The following ABCG1 variants were observed in gnomAD, a reference collection of about 807,000 sequenced individuals.
ABCG1 encodes ATP-binding cassette sub-family G member 1.
In ABCG1, 29 loss-of-function variants were observed where a neutral mutation model predicts 69.2. The observed-to-expected ratio is 0.42, with a 90% confidence interval of 0.31 to 0.57. ABCG1 has a LOEUF of 0.57. Among genes scored for constraint, ABCG1 ranks in the 20% least tolerant of loss-of-function variants. ABCG1 has a pLI of 0.15. For synonymous variants in ABCG1, 370 were observed against 374.8 expected (o/e 0.99, Z 0.15); for missense variants, 718 against 898.1 (o/e 0.80, Z 2.56).
chr21:42,259,962 C>T, intron 2 of ABCG1: 1 of 1,495,174 alleles, frequency 6.7e-7, no homozygotes, highest in Non-Finnish European at 8.9e-7. Context: ...TTGGCTTGCT[C>T]TTCCCCTTCC....
Position 42,273,453 on chromosome 21 carries a change from C to A in ABCG1, c.537+18C>A, listed in dbSNP as rs765510756. 113 of 1,607,342 alleles carry A rather than the reference C, an allele frequency of 7.0e-5. 1 individual carries two copies. The South Asian group carries it at 1.1e-3, about 16-fold the overall frequency. On this transcript the variant is annotated intron_variant, in intron 4 of 14. Transcript: ENST00000398449. This position sits in a 1 kb window ranked among gnomAD's most constrained non-coding sequence, Gnocchi z 5.3. The stretch of plus-strand genomic sequence containing the variant: ...CCATGATGGTGAGCTCCGCCCTGCC[C>A]CGCCCCACTCCGCCCCTGCCGCCTG...
At chr21:42,280,231 C>T (rs374366479) in intron 5 of ABCG1, among the ~76,000 whole-genome samples, 21 of 152,372 alleles carry the variant, frequency 1.4e-4, no homozygotes, top group East Asian at 1.9e-4. Flanking sequence ...TGTGCCTTCA[C>T]TCACTTCCCT....
rs117919261 is a variant in ABCG1, at chr21:42,295,046, C to T, written c.1772+386C>T. The T allele has an allele frequency of 1.9e-3, 391 of 203,200 alleles. 8 individuals carry two copies. In the East Asian group the frequency reaches 0.039, roughly 20 times the overall value. The allele number at this position is 203,200 out of a possible 1,614,324, so 12.6% of individuals were successfully genotyped here. ...TATAAGAAATCTGGTGGGAGTCAGG[C>T]GTGGTGGCTCATGTCTGTAATCCCA... On this transcript the variant is annotated intron_variant, in intron 14 of 14. Coordinates refer to ENST00000398449, the MANE Select transcript of ABCG1 (RefSeq NM_016818.3).
In ABCG1 at chr21:42,273,549, G is replaced by C. The variant is rs563371057; in HGVS notation, c.537+114G>C. 7.7e-7 allele frequency: 1 copy of C among 1,306,558 alleles called. No homozygotes were observed. The highest frequency in any genetic ancestry group is 1.5e-5 in the African/African-American group (1 of 65,876). The allele number at this position is 1,306,558 out of a possible 1,614,324, so 80.9% of individuals were successfully genotyped here. On this transcript the variant is annotated intron_variant, in intron 4 of 14. Coordinates refer to ENST00000398449, the MANE Select transcript of ABCG1 (RefSeq NM_016818.3). The surrounding 1 kb of genome is among the most constrained non-coding windows in gnomAD (Gnocchi z 5.3). Reference sequence around the variant, plus strand: ...GCGAGGGACCCAAGGGCTCTGCCACGCGGCCTGCACAGGGCCAGCAACCTC... The same window carrying C: ...GCGAGGGACCCAAGGGCTCTGCCACCCGGCCTGCACAGGGCCAGCAACCTC...
chr21:42,252,380 G>A (rs1233500415), intron 2 of ABCG1, among the ~76,000 whole-genome samples: 2 of 152,130 alleles, frequency 1.3e-5, no homozygotes, highest in African/African-American at 2.4e-5. Flanking sequence ...AGCGATAATC[G>A]CTGTCATTAA....
At position 42,288,347 on chromosome 21, in the gene ABCG1, A is replaced by T; in HGVS notation, c.1224+35A>T. On this transcript the variant is annotated intron_variant, in intron 10 of 14. Transcript: ENST00000398449. This position sits in a 1 kb window ranked among gnomAD's most constrained non-coding sequence, Gnocchi z 4.8. Reference sequence around the variant, plus strand: ...CCCGCATCTTCTCCTGTAGCTGGGGAACCCGTGGGTCATTTTCTCAGACTC... The same window carrying T: ...CCCGCATCTTCTCCTGTAGCTGGGGTACCCGTGGGTCATTTTCTCAGACTC... The T allele has an allele frequency of 1.3e-6, 2 of 1,507,268 alleles. No individual in the cohort carries two copies. Among genetic ancestry groups the T allele is most frequent in the Non-Finnish European group, 1.8e-6 (2 of 1,084,294 alleles). 93.4% of individuals were successfully genotyped at this position (1,507,268 alleles called of 1,614,324 possible).
At position 42,219,639 on chromosome 21, in the gene ABCG1, C is replaced by T. The variant is rs2067688583; in HGVS notation, c.42+335C>T. ...GCGGGGGGCGTGGGGAGCTGGGGAC[C>T]CGGAGCGCACTGGGGACTGGGGAGG... On this transcript the variant is annotated intron_variant, in intron 1 of 14. Transcript: ENST00000398449. The surrounding 1 kb of genome is among the most constrained non-coding windows in gnomAD (Gnocchi z 5.3). Among the ~76,000 whole-genome samples, 1 of 152,084 alleles carries T rather than the reference C, an allele frequency of 6.6e-6. No homozygotes were observed. The highest frequency in any genetic ancestry group is 6.5e-5 in the Admixed American group (1 of 15,282).
Position 42,288,356 on chromosome 21 carries a change from G to T in ABCG1, c.1224+44G>T. On this transcript the variant is annotated intron_variant, in intron 10 of 14. Transcript: ENST00000398449. This position sits in a 1 kb window ranked among gnomAD's most constrained non-coding sequence, Gnocchi z 4.8. Reference sequence around the variant, plus strand: ...TCTCCTGTAGCTGGGGAACCCGTGGGTCATTTTCTCAGACTCGTCCTGACG... The same window carrying T: ...TCTCCTGTAGCTGGGGAACCCGTGGTTCATTTTCTCAGACTCGTCCTGACG... The T allele has an allele frequency of 6.8e-7, 1 of 1,464,130 alleles. No individual in the cohort carries two copies. The allele number at this position is 1,464,130 out of a possible 1,614,324, so 90.7% of individuals were successfully genotyped here.
intron 2 of ABCG1, among the ~76,000 whole-genome samples, chr21:42,243,445 C>CGTGTGTGTGT (rs1332190376): frequency 1.1e-4 from 9 of 79,662 alleles, no homozygotes; most frequent in Non-Finnish European, 2.0e-4. Flanking sequence ...CGTGTGTGTG[C>CGTGTGTGTGT]GCGTGTGTGT....
At position 42,283,900 on chromosome 21, in the gene ABCG1, C is replaced by CT. The variant is rs1458783750; in HGVS notation, c.735-660_735-659insT. On this transcript the variant is annotated intron_variant, in intron 6 of 14. Transcript: ENST00000398449. ...TCCCGCCTGGACAGTTGCAAAGTCC[C>CT]CCCGCCCAGATGAGTGGGGACCCCC... is the stretch of plus-strand genomic sequence containing the variant. 4.5e-3 allele frequency among the ~76,000 whole-genome samples: 24 copies of CT among 5,288 alleles called. 1 individual carries two copies. Among genetic ancestry groups the CT allele is most frequent in the African/African-American group, 0.017 (14 of 840 alleles). 3.5% of individuals were successfully genotyped at this position (5,288 alleles called of 152,430 possible).
intron 2 of ABCG1, among the ~76,000 whole-genome samples, chr21:42,203,473 A>T (rs1022234688): frequency 3.3e-5 from 5 of 152,106 alleles, no homozygotes; most frequent in African/African-American, 4.8e-5. Context: ...ATTTAAGTCC[A>T]GTTTCTTTTT....
intron 2 of ABCG1, among the ~76,000 whole-genome samples, chr21:42,249,023 C>A (rs1415388739): frequency 6.6e-6 from 1 of 151,842 alleles, no homozygotes; most frequent in African/African-American, 2.4e-5. Context: ...ATCTCATGGA[C>A]AAGATAATGG....
intron 13 of ABCG1, among the ~76,000 whole-genome samples, chr21:42,294,002 C>A (rs931764808): frequency 6.7e-6 from 1 of 150,324 alleles, no homozygotes; most frequent in East Asian, 2.0e-4. Context: ...ACACACCCTC[C>A]TACCCCCGAC....
At chr21:42,271,936 C>T (rs987626395) in intron 3 of ABCG1, among the ~76,000 whole-genome samples, 8 of 152,104 alleles carry the variant, frequency 5.3e-5, no homozygotes, top group African/African-American at 1.7e-4. Context: ...AGAAGTTTGG[C>T]GACCATTGTG....
intron 13 of ABCG1, among the ~76,000 whole-genome samples, chr21:42,292,371 GC>G (rs2069079831): frequency 2.0e-5 from 3 of 152,014 alleles, no homozygotes; most frequent in African/African-American, 7.3e-5. Context: ...ATCTCACAAG[GC>G]TGCCATGGGA....
chr21:42,283,831 GCAAAGTCCCCCCGCCCAGA>G, intron 6 of ABCG1, among the ~76,000 whole-genome samples: 1 of 70,222 alleles, frequency 1.4e-5, no homozygotes, highest in Non-Finnish European at 2.9e-5. Flanking sequence ...CTGGACAGTT[GCAAAGTCCCCCCGCCCAGA>G]TGAGTGGGGA....
chr21:42,255,257 G>A (rs1448631732), intron 2 of ABCG1, among the ~76,000 whole-genome samples: 2 of 152,230 alleles, frequency 1.3e-5, no homozygotes, highest in South Asian at 2.1e-4. Flanking sequence ...CAGGGGGCGT[G>A]TGTGTGCACA....
At chr21:42,266,947 T>C (rs915937578) in intron 2 of ABCG1, among the ~76,000 whole-genome samples, 8 of 152,228 alleles carry the variant, frequency 5.3e-5, no homozygotes, top group Admixed American at 5.2e-4. Flanking sequence ...CTCCCATTTC[T>C]TTCCATTTCC....
At chr21:42,235,282 G>T (rs1285943693) in intron 2 of ABCG1, among the ~76,000 whole-genome samples, 1 of 152,230 alleles carries the variant, frequency 6.6e-6, no homozygotes, top group Non-Finnish European at 1.5e-5. Flanking sequence ...TGCTGGTGTG[G>T]TGTCCGCAGG....
Sources: allele counts gnomAD v4.1 joint callset (sites outside exome capture counted in the v4.1 genomes callset), GRCh38; gene constraint gnomAD v4.1.1; non-coding constraint Gnocchi (gnomAD v3.1); transcripts MANE v1.5; gene names NCBI Gene and HGNC (gene_info 2026-07-23, HGNC 2026-07-21).